ZDHHC11: variants seen among roughly 807,000 people sequenced by gnomAD.
ZDHHC11 encodes zDHHC palmitoyltransferase 11.
In ZDHHC11, 44 loss-of-function variants were observed where a neutral mutation model predicts 51.3. The observed-to-expected ratio is 0.86, with a 90% CI of 0.67 to 1.10. The LOEUF (loss-of-function observed/expected upper bound fraction) is 1.10. Among genes scored for constraint, ZDHHC11 ranks in the 50% least tolerant of loss-of-function variants. The pLI is 0.00. For synonymous variants in ZDHHC11, 163 were observed against 222.0 expected (o/e 0.73, Z 2.36); for missense variants, 400 against 537.7 (o/e 0.74, Z 2.53).
intron 12 of ZDHHC11, among the ~76,000 whole-genome samples, chr5:798,850 T>C (rs1345580470): frequency 6.6e-6 from 1 of 152,182 alleles, no homozygotes; most frequent in African/African-American, 2.4e-5. Flanking sequence ...CCAGATGCTT[T>C]TGAAATGATT....
At chr5:824,123 G>A (rs1312954060) in intron 8 of ZDHHC11, 6 of 453,320 alleles carry the variant, frequency 1.3e-5, no homozygotes, top group Admixed American at 2.4e-5. Context: ...GAACACACCT[G>A]TAACCTCCAG....
chr5:825,043 C>T (rs1742132649), intron 8 of ZDHHC11, 121 bp downstream of exon 8: 3 of 982,462 alleles, frequency 3.1e-6, no homozygotes, highest in Middle Eastern at 2.1e-4. Flanking sequence ...GTGAGCAGCA[C>T]CATTGGACAC....
chr5:809,395 C>T (rs1281548461), intron 11 of ZDHHC11, among the ~76,000 whole-genome samples: 1 of 143,176 alleles, frequency 7.0e-6, no homozygotes, highest in East Asian at 2.0e-4. Context: ...TAAAGCGGAG[C>T]CTTTGGTGTC....
At chr5:843,966 A>AGGGCAGGTGTGGGGGCGGG (rs1745630407) in intron 3 of ZDHHC11, among the ~76,000 whole-genome samples, 2 of 63,024 alleles carry the variant, frequency 3.2e-5, no homozygotes, top group African/African-American at 4.0e-4. Context: ...TGGGGGGTGC[A>AGGGCAGGTGTGGGGGCGGG]GAGGCAGGGG....
intron 6 of ZDHHC11, among the ~76,000 whole-genome samples, chr5:836,902 C>G (rs1743936365): frequency 1.3e-5 from 2 of 149,148 alleles, no homozygotes; most frequent in African/African-American, 5.0e-5. Context: ...ACTAAAAATA[C>G]AAAAATTAGT....
intron 12 of ZDHHC11, among the ~76,000 whole-genome samples, chr5:800,177 G>T (rs1268277932): frequency 1.3e-5 from 2 of 151,126 alleles, no homozygotes; most frequent in East Asian, 3.9e-4. Flanking sequence ...GCTGTGGGAA[G>T]CTGCCTGGAG....
intron 4 of ZDHHC11, chr5:841,879 G>A (rs1473542963): frequency 2.7e-5 from 27 of 988,582 alleles, no homozygotes; most frequent in East Asian, 1.1e-4. Context: ...GATGTCTTTC[G>A]GTGACAGACC....
At chr5:822,536 TATG>T (rs1278373584) in intron 8 of ZDHHC11, among the ~76,000 whole-genome samples, 1 of 93,504 alleles carries the variant, frequency 1.1e-5, no homozygotes, top group Non-Finnish European at 1.8e-5. Context: ...TGCTGGCTCA[TATG>T]ATAAGTACAT....
intron 10 of ZDHHC11, among the ~76,000 whole-genome samples, chr5:817,201 C>T (rs1740923117): frequency 1.3e-5 from 2 of 151,524 alleles, no homozygotes; most frequent in South Asian, 4.2e-4. Flanking sequence ...CCTCGGTATG[C>T]TGTTTGCATT....
At position 850,905 on chromosome 5, in the gene ZDHHC11, C is replaced by T. The variant is rs536901408; in HGVS notation, c.-303G>A. 29 of 440,804 alleles carry T rather than the reference C, an allele frequency of 6.6e-5. No homozygotes were observed. In the East Asian group the frequency reaches 9.6e-4, roughly 15 times the overall value. The allele number at this position is 440,804 out of a possible 1,614,324, so 27.3% of individuals were successfully genotyped here. A position where few individuals can be genotyped will look rare whatever the true frequency, so the allele number is the denominator to read the frequency against. On this transcript the variant is annotated 5_prime_UTR_variant, in exon 1 of 13. An upstream start codon of the reference 5' UTR is lost. Coordinates refer to ENST00000283441, the MANE Select transcript of ZDHHC11 (RefSeq NM_024786.3). Reference sequence around the variant, plus strand: ...AGGACCCAGTGCCCGCGCGACCGCCCATCAGTTCCCCTGAGGATTTGTTAC... The same window carrying T: ...AGGACCCAGTGCCCGCGCGACCGCCTATCAGTTCCCCTGAGGATTTGTTAC...
At chr5:803,927 C>T (rs1738852698) in intron 11 of ZDHHC11, among the ~76,000 whole-genome samples, 1 of 145,218 alleles carries the variant, frequency 6.9e-6, no homozygotes, top group African/African-American at 2.5e-5. Flanking sequence ...AAGTTGAAGA[C>T]AATCGAAATT....
At chr5:813,927 C>T (rs1740426970) in intron 11 of ZDHHC11, among the ~76,000 whole-genome samples, 1 of 150,770 alleles carries the variant, frequency 6.6e-6, no homozygotes, top group Admixed American at 6.6e-5. Context: ...TGGTTTGAGC[C>T]AATGACTCTT....
At position 806,485 on chromosome 5, in the gene ZDHHC11, T is replaced by G. The variant is rs527588575; in HGVS notation, c.1182-5321A>C. 8.3e-3 allele frequency among the ~76,000 whole-genome samples: 1,241 copies of G among 150,108 alleles called. 26 individuals carry two copies. The highest frequency in any genetic ancestry group is 0.029 in the African/African-American group (1,149 of 40,308). On this transcript the variant is annotated intron_variant, in intron 11 of 12. Transcript: ENST00000283441. ...ATCTTTTGGATATTTTGTGAAAAGG[T>G]TCATTAATCAAGACCAAAAAGCATT...
intron 4 of ZDHHC11, chr5:841,806 T>C (rs1230569586): frequency 2.0e-6 from 2 of 994,702 alleles, no homozygotes; most frequent in Non-Finnish European, 1.2e-6. Context: ...TGGCAGAGGG[T>C]GGGGCAAGGC....
At chr5:833,402 C>A (rs1245840676) in intron 7 of ZDHHC11, among the ~76,000 whole-genome samples, 1 of 151,578 alleles carries the variant, frequency 6.6e-6, no homozygotes, top group African/African-American at 2.4e-5. Context: ...GTTGGACTCT[C>A]AGAGCTTACA....
chr5:816,479 G>C, intron 10 of ZDHHC11: 3 of 493,716 alleles, frequency 6.1e-6, no homozygotes, highest in South Asian at 3.1e-5. Flanking sequence ...GATATGCCTG[G>C]AAAAACGGAC....
At chr5:851,839 T>C (rs1490972085), upstream of ZDHHC11, among the ~76,000 whole-genome samples, 1 of 152,200 alleles carries the variant, frequency 6.6e-6, no homozygotes, top group Non-Finnish European at 1.5e-5. Flanking sequence ...GCCTATCACC[T>C]GAGGTCAGGA....
At position 796,408 on chromosome 5, in the gene ZDHHC11, G is replaced by T. The variant is rs1250910548; in HGVS notation, c.*180C>A. ...ACAGAGATGGATGCTGGGCTCTGAG[G>T]GTCCTGGTTCCTTCGAAGGACATCC... On this transcript the variant is annotated 3_prime_UTR_variant, in exon 13 of 13. Coordinates refer to ENST00000283441, the MANE Select transcript of ZDHHC11 (RefSeq NM_024786.3). The T allele has an allele frequency of 6.7e-6, 1 of 150,212 alleles. No individual in the cohort carries two copies. The highest frequency in any genetic ancestry group is 1.5e-5 in the Non-Finnish European group (1 of 67,228). 9.3% of individuals were successfully genotyped at this position (150,212 alleles called of 1,614,324 possible).
rs1744671064 is a variant in ZDHHC11 at position 840,607 on chromosome 5, G to C, written c.672C>G (p.Phe224Leu). The C allele has an allele frequency of 6.2e-7, 1 of 1,613,896 alleles. No homozygotes were observed. Among genetic ancestry groups the C allele is most frequent in the Non-Finnish European group, 8.5e-7 (1 of 1,179,876 alleles). ...CTATCAGGGTCTGCACCTGCACCGG[G>C]AACAGGGGGAGGAACAGCAGCCACG... ...MNTWLLFLPL[F>L]PVQVQTLIVV... The change falls in exon 5 of 13, where the codon TTC becomes TTG. Residue 224 changes from phenylalanine to leucine, a missense_variant. By Grantham distance (22) the Phe-to-Leu change is conservative. Around this residue, in one of 5 missense-constraint regions of ZDHHC11, gnomAD observed 26 missense variants for 47.1 expected, o/e 0.55. Transcript: ENST00000283441.
Sources: gnomAD v4.1 joint callset for allele counts (sites outside exome capture counted in the v4.1 genomes callset) on GRCh38, gnomAD v4.1.1 for gene constraint, gnomAD v4.1.1 regional missense constraint, MANE v1.5 for transcripts, NCBI Gene and HGNC (gene_info 2026-07-23, HGNC 2026-07-21) for gene names.